MACROD2: variants seen among roughly 807,000 people sequenced by gnomAD.
MACROD2 encodes the protein mono-ADP ribosylhydrolase 2, also known as ADP-ribose glycohydrolase MACROD2.
In MACROD2, 36 loss-of-function variants were observed where a neutral mutation model predicts 70.4. That is an observed-to-expected ratio of 0.51 (90% CI 0.39 to 0.68). The LOEUF (loss-of-function observed/expected upper bound fraction) is 0.68. Among genes scored for constraint, MACROD2 ranks in the 30% least tolerant of loss-of-function variants. The probability of loss-of-function intolerance (pLI) is 0.00; values close to 1 mark genes in which losing one functional copy is unlikely to be tolerated. For synonymous variants in MACROD2, 172 were observed against 178.8 expected, an observed-to-expected ratio of 0.96 and a Z score of 0.30; for missense variants, 496 against 538.4, an observed-to-expected ratio of 0.92 and a Z score of 0.78.
At chr20:14,653,266 T>A (rs1985782405) in intron 4 of MACROD2, among the ~76,000 whole-genome samples, 1 of 150,934 alleles carries the variant, frequency 6.6e-6, no homozygotes, top group Non-Finnish European at 1.5e-5. Flanking sequence ...TTGCCCAGGC[T>A]GGAGTGCAGT....
At chr20:14,785,554 A>G (rs1480669517) in intron 5 of MACROD2, among the ~76,000 whole-genome samples, 2 of 151,934 alleles carry the variant, frequency 1.3e-5, no homozygotes, top group Non-Finnish European at 2.9e-5. Context: ...CTTTCAATCT[A>G]TTTCATAGCT....
intron 3 of MACROD2, among the ~76,000 whole-genome samples, chr20:14,297,248 C>T (rs1379652240): frequency 6.6e-6 from 1 of 151,742 alleles, no homozygotes; most frequent in African/African-American, 2.4e-5. Context: ...CCTGCAATGG[C>T]CTCTAGATGT....
rs71340210 is a variant in MACROD2 at position 15,113,763 on chromosome 20, AGTGTGTGT to A, written c.419-116147_419-116140del. The stretch of plus-strand genomic sequence containing the variant: ...TAGGTATGGGGTTGTGTAGTCTTGA[AGTGTGTGT>A]GTGTGTGTGTGTGTGTGTGTGTGTG... On this transcript the variant is annotated intron_variant, in intron 5 of 17. Coordinates refer to ENST00000684519, the MANE Select transcript of MACROD2 (RefSeq NM_001351661.2). 5.5e-3 allele frequency among the ~76,000 whole-genome samples: 788 copies of A among 144,212 alleles called. 4 individuals are homozygous for A. Among genetic ancestry groups the A allele is most frequent in the South Asian group, 0.01 (44 of 4,196 alleles). 94.6% of individuals were successfully genotyped at this position (144,212 alleles called of 152,430 possible).
At chr20:14,864,484 A>G (rs1446848355) in intron 5 of MACROD2, among the ~76,000 whole-genome samples, 1 of 152,158 alleles carries the variant, frequency 6.6e-6, no homozygotes, top group African/African-American at 2.4e-5. Context: ...TTTTGAACAT[A>G]TAGGGTAATA....
At chr20:14,750,921 T>C (rs1021663854) in intron 5 of MACROD2, among the ~76,000 whole-genome samples, 2 of 152,114 alleles carry the variant, frequency 1.3e-5, no homozygotes, top group Non-Finnish European at 2.9e-5. Context: ...CATTTTAGTA[T>C]TGTAATTTTT....
chr20:15,758,172 C>A (rs960788464), intron 8 of MACROD2, among the ~76,000 whole-genome samples: 7 of 150,828 alleles, frequency 4.6e-5, no homozygotes, highest in Admixed American at 4.6e-4. Context: ...AAATTACCAA[C>A]AGCTCATTTC....
At chr20:15,440,498 A>G (rs1454638722) in intron 7 of MACROD2, among the ~76,000 whole-genome samples, 1 of 152,192 alleles carries the variant, frequency 6.6e-6, no homozygotes, top group East Asian at 1.9e-4. Context: ...TCTAACTGGT[A>G]AAAAGGAGAC....
At chr20:15,140,553 C>A (rs1287597355) in intron 5 of MACROD2, among the ~76,000 whole-genome samples, 1 of 152,032 alleles carries the variant, frequency 6.6e-6, no homozygotes, top group African/African-American at 2.4e-5. Context: ...TTTATGAGAT[C>A]ATTAGTTTAC....
At chr20:15,379,789 A>T (rs746351593) in intron 6 of MACROD2, among the ~76,000 whole-genome samples, 3 of 152,150 alleles carry the variant, frequency 2.0e-5, no homozygotes, top group Non-Finnish European at 2.9e-5. Context: ...CAATCTCTAA[A>T]CAAGCACATG....
chr20:14,478,120 G>A (rs1313900999), intron 3 of MACROD2, among the ~76,000 whole-genome samples: 1 of 152,190 alleles, frequency 6.6e-6, no homozygotes, highest in Non-Finnish European at 1.5e-5. Context: ...AATGGAAAAG[G>A]AGGCAAAACT....
intron 15 of MACROD2, among the ~76,000 whole-genome samples, chr20:16,005,058 GA>G (rs2066769499): frequency 6.6e-6 from 1 of 152,098 alleles, no homozygotes. Flanking sequence ...TATATGGGGG[GA>G]AAATGAAGAT....
intron 5 of MACROD2, among the ~76,000 whole-genome samples, chr20:14,871,295 C>G (rs2073485502): frequency 6.6e-6 from 1 of 152,104 alleles, no homozygotes; most frequent in South Asian, 2.1e-4. Context: ...TAAAGGGAAG[C>G]CCATTAGACT....
At chr20:14,415,136 A>G (rs1297247601) in intron 3 of MACROD2, among the ~76,000 whole-genome samples, 1 of 152,222 alleles carries the variant, frequency 6.6e-6, no homozygotes, top group African/African-American at 2.4e-5. Context: ...GAATCAATGA[A>G]TGCTTAGTTT....
intron 5 of MACROD2, among the ~76,000 whole-genome samples, chr20:14,918,818 A>G (rs955049045): frequency 6.6e-6 from 1 of 152,164 alleles, no homozygotes; most frequent in African/African-American, 2.4e-5. Context: ...AATTGAACTC[A>G]CAACATATCA....
chr20:14,859,206 A>C (rs1297737867), intron 5 of MACROD2, among the ~76,000 whole-genome samples: 1 of 152,050 alleles, frequency 6.6e-6, no homozygotes, highest in Admixed American at 6.6e-5. Flanking sequence ...AACCAAAACC[A>C]CCTGTACCCC....
intron 8 of MACROD2, among the ~76,000 whole-genome samples, chr20:15,594,470 G>C (rs749328424): frequency 6.6e-6 from 1 of 152,112 alleles, no homozygotes; most frequent in Non-Finnish European, 1.5e-5. Flanking sequence ...CCTTGGGTGG[G>C]GTTACTGGGC....
At chr20:14,606,169 T>C (rs2123416615) in intron 4 of MACROD2, among the ~76,000 whole-genome samples, 1 of 152,316 alleles carries the variant, frequency 6.6e-6, no homozygotes, top group Admixed American at 6.5e-5. Context: ...TCATTATCTT[T>C]TCTATATCCA....
intron 8 of MACROD2, among the ~76,000 whole-genome samples, chr20:15,801,719 G>C (rs1600913629): frequency 1.3e-5 from 2 of 152,008 alleles, no homozygotes; most frequent in African/African-American, 4.8e-5. Context: ...TAAGGCTTTT[G>C]GTCTATTTCT....
At chr20:15,962,557 G>T (rs1356362181) in intron 12 of MACROD2, among the ~76,000 whole-genome samples, 4 of 152,142 alleles carry the variant, frequency 2.6e-5, no homozygotes, top group African/African-American at 9.7e-5. Flanking sequence ...TTTTCTAATA[G>T]AAATCAAATT....
Sources: gnomAD v4.1 joint callset for allele counts (sites outside exome capture counted in the v4.1 genomes callset) on GRCh38, gnomAD v4.1.1 for gene constraint, MANE v1.5 for transcripts, NCBI Gene and HGNC (gene_info 2026-07-23, HGNC 2026-07-21) for gene names.